The following NCKAP1 variants were observed in gnomAD, a reference collection of about 807,000 sequenced individuals.
NCKAP1 encodes NCK associated protein 1.
NCKAP1 carries 21 observed loss-of-function variants against 151.2 expected under a neutral mutation model. The observed-to-expected ratio is 0.14, with a 90% CI of 0.10 to 0.20. NCKAP1 has a LOEUF of 0.20. Ranked by LOEUF, NCKAP1 falls within the 10% of genes least tolerant of loss-of-function variation. NCKAP1 has a pLI of 1.00. For missense variants in NCKAP1, 933 were observed against 1,352.1 expected (o/e 0.69, Z 4.86); for synonymous variants, 484 against 451.8 (o/e 1.07, Z -0.90).
chr2:183,036,614 A>T (rs932723906), intron 1 of NCKAP1, among the ~76,000 whole-genome samples: 2 of 152,172 alleles, frequency 1.3e-5, no homozygotes, highest in Non-Finnish European at 2.9e-5. Flanking sequence ...AAAAGGTAAC[A>T]AACTGAGTAA....
chr2:183,022,491 A>T (rs1231751553), intron 2 of NCKAP1, among the ~76,000 whole-genome samples: 3 of 152,188 alleles, frequency 2.0e-5, no homozygotes, highest in Non-Finnish European at 2.9e-5. Flanking sequence ...GATATATTAT[A>T]AAACAATATT....
At chr2:183,020,004 A>C (rs1698764675) in intron 2 of NCKAP1, among the ~76,000 whole-genome samples, 1 of 152,114 alleles carries the variant, frequency 6.6e-6, no homozygotes, top group South Asian at 2.1e-4. Flanking sequence ...TCAAATAACT[A>C]TGTGCTCAAG....
chr2:182,998,147 C>T (rs1698305951), intron 6 of NCKAP1, among the ~76,000 whole-genome samples: 1 of 152,086 alleles, frequency 6.6e-6, no homozygotes, highest in South Asian at 2.1e-4. Flanking sequence ...ATAAAATGTT[C>T]AACTAACTAG....
chr2:182,950,368 C>T (rs1306665192), intron 23 of NCKAP1, among the ~76,000 whole-genome samples: 1 of 151,824 alleles, frequency 6.6e-6, no homozygotes, highest in African/African-American at 2.4e-5. Flanking sequence ...AAATAGCTGG[C>T]TAAAGTAAAA....
intron 6 of NCKAP1, among the ~76,000 whole-genome samples, chr2:182,997,196 AAACT>A (rs1698287447): frequency 6.6e-6 from 1 of 152,132 alleles, no homozygotes; most frequent in African/African-American, 2.4e-5. Context: ...TCCTTTCAAA[AAACT>A]AACTTTTTGT....
intron 9 of NCKAP1, among the ~76,000 whole-genome samples, chr2:182,987,340 T>C (rs1218272703): frequency 2.0e-5 from 3 of 152,216 alleles, no homozygotes; most frequent in Non-Finnish European, 2.9e-5. Context: ...ATGTATTCTT[T>C]GAGCAAATTT....
chr2:182,986,096 TACTC>T, intron 10 of NCKAP1, 71 bp downstream of exon 10: 1 of 1,339,346 alleles, frequency 7.5e-7, no homozygotes, highest in Non-Finnish European at 1.1e-6. Flanking sequence ...TATTAATCTG[TACTC>T]ACTTCAACAA....
intron 2 of NCKAP1, among the ~76,000 whole-genome samples, chr2:183,009,372 G>C (rs536891468): frequency 7.0e-6 from 1 of 142,254 alleles, no homozygotes; most frequent in African/African-American, 2.6e-5. Flanking sequence ...GAGGGGAAGG[G>C]AGGGGAGGAG....
chr2:183,000,238 A>C (rs1336198852), intron 6 of NCKAP1, among the ~76,000 whole-genome samples: 3 of 152,222 alleles, frequency 2.0e-5, no homozygotes, highest in Non-Finnish European at 2.9e-5. Flanking sequence ...TCAAGATTGG[A>C]AAATAAGTGG....
chr2:183,038,155 CGGCCTTCGCAGCAGCCTCTCTCG>C lies in NCKAP1; in HGVS notation c.-79_-57del. 6 of 1,339,248 alleles carry C rather than the reference CGGCCTTCGCAGCAGCCTCTCTCG, an allele frequency of 4.5e-6. No homozygotes were observed. In the South Asian group the frequency reaches 8.5e-5, roughly 19 times the overall value. The allele number at this position is 1,339,248 out of a possible 1,614,324, so 83.0% of individuals were successfully genotyped here. On this transcript the variant is annotated 5_prime_UTR_variant, in exon 1 of 31. Transcript: ENST00000361354. The stretch of plus-strand genomic sequence containing the variant: ...CGCCTCGCGCCCAGTCACGGGCCCG[CGGCCTTCGCAGCAGCCTCTCTCG>C]GGCCTCCTCCCCTCCCGCCCGCGAC...
At chr2:183,015,259 AC>A (rs1424682426) in intron 2 of NCKAP1, among the ~76,000 whole-genome samples, 1 of 152,160 alleles carries the variant, frequency 6.6e-6, no homozygotes, top group Non-Finnish European at 1.5e-5. Context: ...GATCATAAGA[AC>A]CACCCTTGAG....
At chr2:183,020,831 G>C (rs949898926) in intron 2 of NCKAP1, among the ~76,000 whole-genome samples, 2 of 152,044 alleles carry the variant, frequency 1.3e-5, no homozygotes, top group African/African-American at 4.8e-5. Context: ...TAATAGAACT[G>C]AAACCTCACT....
At chr2:182,937,828 A>C (rs1412451253) in intron 24 of NCKAP1, among the ~76,000 whole-genome samples, 1 of 152,166 alleles carries the variant, frequency 6.6e-6, no homozygotes, top group African/African-American at 2.4e-5. Context: ...GTGTGAGTCA[A>C]TGGATAGATG....
intron 1 of NCKAP1, among the ~76,000 whole-genome samples, chr2:183,034,676 A>C (rs1463738977): frequency 6.6e-6 from 1 of 152,180 alleles, no homozygotes; most frequent in African/African-American, 2.4e-5. Flanking sequence ...CTATTTTCAC[A>C]TATTACCATC....
Position 182,962,271 on chromosome 2 carries a change from T to C in NCKAP1, c.1769A>G (p.His590Arg), listed in dbSNP as rs763733816. The change falls in exon 18 of 31, where the codon CAT (histidine) becomes CGT (arginine). Residue 590 changes from histidine to arginine, a missense_variant. His to Arg is a conservative substitution (Grantham distance 29, BLOSUM62 0). This residue lies in a region of NCKAP1 where 607 missense variants were observed against 795.0 expected (regional missense o/e 0.76). Coordinates refer to ENST00000361354, the MANE Select transcript of NCKAP1 (RefSeq NM_013436.5). ...THELCPEERH[H>R]IGDRSLSLCN... The stretch of plus-strand genomic sequence containing the variant: ...TAAGGAAAGACTGCGATCTCCAATA[T>C]GATGTCGCTGTGAAGGCAGAATAAT... The C allele has an allele frequency of 1.2e-6, 2 of 1,604,388 alleles. No individual in the cohort carries two copies. The highest frequency in any genetic ancestry group is 3.4e-5 in the Admixed American group (2 of 58,820).
intron 2 of NCKAP1, among the ~76,000 whole-genome samples, chr2:183,007,065 G>T (rs1206410441): frequency 2.0e-5 from 3 of 152,096 alleles, no homozygotes; most frequent in Non-Finnish European, 4.4e-5. Context: ...TAGAGGCGGG[G>T]TTTCACCGTG....
At chr2:182,942,852 A>G (rs1368109481) in intron 23 of NCKAP1, among the ~76,000 whole-genome samples, 2 of 152,120 alleles carry the variant, frequency 1.3e-5, no homozygotes, top group African/African-American at 4.8e-5. Flanking sequence ...AAATTATAAC[A>G]CAAATGTAAT....
At chr2:182,949,540 G>T (rs2105818927) in intron 23 of NCKAP1, among the ~76,000 whole-genome samples, 1 of 152,330 alleles carries the variant, frequency 6.6e-6, no homozygotes, top group East Asian at 1.9e-4. Context: ...AGTGGCTCGT[G>T]CCTGTAATCC....
At chr2:182,927,645 T>C (rs907725859) in intron 29 of NCKAP1, among the ~76,000 whole-genome samples, 1 of 152,076 alleles carries the variant, frequency 6.6e-6, no homozygotes, top group African/African-American at 2.4e-5. Context: ...GTATTTTTAA[T>C]GATGAATTTT....
Sources: allele counts gnomAD v4.1 joint callset (sites outside exome capture counted in the v4.1 genomes callset), GRCh38; gene constraint gnomAD v4.1.1; regional missense constraint gnomAD v4.1.1; transcripts MANE v1.5; gene names NCBI Gene and HGNC (gene_info 2026-07-23, HGNC 2026-07-21).